The following CCDC30 variants were observed in gnomAD, a reference collection of about 807,000 sequenced individuals.
The protein encoded by CCDC30 is coiled-coil domain containing 30, also known as coiled-coil domain-containing protein 30.
In CCDC30, 70 loss-of-function variants were observed where a neutral mutation model predicts 100.2. The ratio of observed to expected loss-of-function variants is 0.70; its 90% CI spans 0.58 to 0.85. The LOEUF (loss-of-function observed/expected upper bound fraction) is 0.85, where lower values mean the gene tolerates loss of function less well. CCDC30 is among the 40% of genes least tolerant of loss of function. The pLI is 0.00. For missense variants in CCDC30, 652 were observed against 771.2 expected, an observed-to-expected ratio of 0.85 and a Z score of 1.83; for synonymous variants, 233 against 269.5, an observed-to-expected ratio of 0.86 and a Z score of 1.33.
intron 6 of CCDC30, chr1:42,500,123 A>G: frequency 1.6e-6 from 2 of 1,272,326 alleles, no homozygotes; most frequent in South Asian, 2.4e-5. Flanking sequence ...TTTGCATCTT[A>G]CAAAGTTAAA....
At chr1:42,473,232 G>A in intron 1 of CCDC30, 1 of 1,231,566 alleles carries the variant, frequency 8.1e-7, no homozygotes, top group Admixed American at 4.2e-5. Flanking sequence ...CCAGCACAGT[G>A]AAGACAGGCT....
intron 9 of CCDC30, among the ~76,000 whole-genome samples, chr1:42,587,172 T>A (rs1026708678): frequency 1.2e-4 from 19 of 152,140 alleles, no homozygotes; most frequent in African/African-American, 3.6e-4. Context: ...TTTTAAAAAA[T>A]TTTTTATACA....
At chr1:42,532,280 C>T (rs1480962671) in intron 6 of CCDC30, among the ~76,000 whole-genome samples, 1 of 152,130 alleles carries the variant, frequency 6.6e-6, no homozygotes, top group Non-Finnish European at 1.5e-5. Flanking sequence ...CTGTAAAGGG[C>T]TTTTCCATAA....
chr1:42,600,776 G>A (rs1406526535), intron 10 of CCDC30, among the ~76,000 whole-genome samples: 3 of 151,412 alleles, frequency 2.0e-5, no homozygotes, highest in South Asian at 4.2e-4. Flanking sequence ...ACAAGATCTG[G>A]TTGTTTGAAA....
upstream of CCDC30, chr1:42,459,647 A>G (rs1466939552): frequency 6.2e-7 from 1 of 1,614,030 alleles, no homozygotes; most frequent in East Asian, 2.2e-5. Context: ...CTTTGGTTAA[A>G]GATTGGGCTC....
intron 15 of CCDC30, among the ~76,000 whole-genome samples, chr1:42,650,141 T>C (rs962631066): frequency 2.6e-5 from 4 of 152,014 alleles, no homozygotes; most frequent in African/African-American, 7.3e-5. Context: ...GCCAAGGCAA[T>C]ATTCAGCAGA....
chr1:42,458,424 T>G (rs932237631), upstream of CCDC30, among the ~76,000 whole-genome samples: 1 of 152,192 alleles, frequency 6.6e-6, no homozygotes, highest in Admixed American at 6.5e-5. Flanking sequence ...GAAACTCTTA[T>G]CTGTGGGGCA....
intron 1 of CCDC30, chr1:42,468,536 C>G (rs1233471741): frequency 1.3e-5 from 2 of 152,218 alleles, no homozygotes; most frequent in African/African-American, 4.8e-5. Context: ...AGTCAAAACA[C>G]TAAATATCTT....
chr1:42,646,512 C>G (rs929649929), intron 15 of CCDC30, among the ~76,000 whole-genome samples, 195 bp downstream of exon 19: 1 of 152,232 alleles, frequency 6.6e-6, no homozygotes, highest in Non-Finnish European at 1.5e-5. Flanking sequence ...AGTAGTATCA[C>G]AACTTCCTGC....
chr1:42,496,033 A>G (rs1644226714), intron 4 of CCDC30, among the ~76,000 whole-genome samples: 1 of 152,106 alleles, frequency 6.6e-6, no homozygotes, highest in African/African-American at 2.4e-5. Context: ...ACTGACATGA[A>G]TAGATTTCTG....
At chr1:42,558,251 C>T (rs1645414493) in intron 6 of CCDC30, 1 of 169,832 alleles carries the variant, frequency 5.9e-6, no homozygotes, top group East Asian at 1.8e-4. Flanking sequence ...TGGGGTGCAT[C>T]TCTTGTATAC....
intron 10 of CCDC30, among the ~76,000 whole-genome samples, chr1:42,604,014 G>GT (rs1324489045): frequency 6.6e-6 from 1 of 151,942 alleles, no homozygotes; most frequent in Non-Finnish European, 1.5e-5. Flanking sequence ...GAGGCCAGAA[G>GT]TTTGAGACCA....
intron 11 of CCDC30, among the ~76,000 whole-genome samples, chr1:42,625,478 G>A (rs1171812379): frequency 6.6e-6 from 1 of 151,564 alleles, no homozygotes; most frequent in African/African-American, 2.4e-5. Context: ...TTTATTTGCA[G>A]GTTTTTTTTT....
intron 3 of CCDC30, among the ~76,000 whole-genome samples, chr1:42,483,244 T>C (rs1253319443): frequency 1.3e-5 from 2 of 152,244 alleles, no homozygotes; most frequent in Admixed American, 6.5e-5. Context: ...TTGTTCACTC[T>C]GCTGTTTATA....
At chr1:42,653,097 T>C (rs1441436641) in intron 15 of CCDC30, among the ~76,000 whole-genome samples, 1 of 152,154 alleles carries the variant, frequency 6.6e-6, no homozygotes, top group Non-Finnish European at 1.5e-5. Flanking sequence ...CTCCAAAATT[T>C]ATATAACAAA....
At chr1:42,457,447 G>A in the CCDC30 span, 1 of 1,033,770 alleles carries the variant, frequency 9.7e-7, no homozygotes, top group Non-Finnish European at 1.5e-6. Flanking sequence ...ATCTGTATTC[G>A]CTAGGCACAG....
At chr1:42,577,875 C>T (rs865997810) in intron 8 of CCDC30, among the ~76,000 whole-genome samples, 3 of 152,026 alleles carry the variant, frequency 2.0e-5, no homozygotes, top group African/African-American at 7.2e-5. Context: ...CTTCTGACCT[C>T]GTGATCCACC....
At chr1:42,631,253 A>C (rs892784565) in intron 11 of CCDC30, among the ~76,000 whole-genome samples, 11 of 152,196 alleles carry the variant, frequency 7.2e-5, no homozygotes, top group African/African-American at 2.4e-4. Context: ...AAAGATCTGG[A>C]TGAATTCCCT....
intron 6 of CCDC30, among the ~76,000 whole-genome samples, chr1:42,555,540 C>A (rs1645351254): frequency 6.6e-6 from 1 of 152,146 alleles, no homozygotes; most frequent in Admixed American, 6.6e-5. Context: ...TTATTAAAAT[C>A]ATTATAACCT....
Sources: gnomAD v4.1 joint callset for allele counts (sites outside exome capture counted in the v4.1 genomes callset) on GRCh38, gnomAD v4.1.1 for gene constraint, MANE v1.5 for transcripts, NCBI Gene and HGNC (gene_info 2026-07-23, HGNC 2026-07-21) for gene names.